The following TNC variants were observed in gnomAD, a reference collection of about 807,000 sequenced individuals.
The protein encoded by TNC is tenascin C.
TNC carries 109 observed loss-of-function variants against 202.4 expected under a neutral mutation model. The ratio of observed to expected loss-of-function variants is 0.54; its 90% CI spans 0.46 to 0.63. The LOEUF (loss-of-function observed/expected upper bound fraction) is 0.63, where lower values mean the gene tolerates loss of function less well. Ranked by LOEUF, TNC falls within the 30% of genes least tolerant of loss-of-function variation. TNC has a pLI of 0.00. For synonymous variants in TNC, 1,007 were observed against 1,089.7 expected, an observed-to-expected ratio of 0.92 and a Z score of 1.50; for missense variants, 2,756 against 2,833.3, an observed-to-expected ratio of 0.97 and a Z score of 0.62.
chr9:115,056,899 T>C (rs1398775243), intron 15 of TNC, among the ~76,000 whole-genome samples: 2 of 152,242 alleles, frequency 1.3e-5, no homozygotes, highest in East Asian at 1.9e-4. Context: ...AGATTCCATA[T>C]GGCAAATTAG....
chr9:115,066,213 C>T (rs910407007), intron 10 of TNC, among the ~76,000 whole-genome samples: 7 of 152,122 alleles, frequency 4.6e-5, no homozygotes, highest in African/African-American at 7.2e-5. Context: ...CACGAAATTC[C>T]GTAAAAACTC....
Position 115,026,564 on chromosome 9 carries a change from G to T in TNC, c.6301C>A (p.Leu2101Met), listed in dbSNP as rs754313538. The T allele has an allele frequency of 3.7e-6, 6 of 1,614,036 alleles. No individual in the cohort carries two copies. The highest frequency in any genetic ancestry group is 1.7e-6 in the Non-Finnish European group (2 of 1,179,966). Reference sequence around the variant, plus strand: ...GTCCCACTGTACCCCTCCACCTTCAGCTTGTAGCGAGTCTTGGCATCTCCC... The same window carrying T: ...GTCCCACTGTACCCCTCCACCTTCATCTTGTAGCGAGTCTTGGCATCTCCC... ...SVGDAKTRYK[L>M]KVEGYSGTAG... The change falls in exon 26 of 28, where the codon CTG (leucine) becomes ATG (methionine). Residue 2101 changes from leucine (L) to methionine (M), a missense_variant. Transcript: ENST00000350763.
At chr9:115,057,467 G>T (rs1358121994) in intron 14 of TNC, 42 bp from the exon 15 acceptor site, 7 of 1,533,816 alleles carry the variant, frequency 4.6e-6, no homozygotes, top group Non-Finnish European at 6.1e-6. Context: ...AAATAAATTT[G>T]AGTTAATTAT....
At chr9:115,037,539 T>G (rs1830425166) in intron 20 of TNC, among the ~76,000 whole-genome samples, 1 of 152,130 alleles carries the variant, frequency 6.6e-6, no homozygotes, top group South Asian at 2.1e-4. Context: ...TTTATTTTTA[T>G]TTTTTTGAGA....
At position 115,086,381 on chromosome 9, in the gene TNC, G is replaced by A. The variant is rs759590939; in HGVS notation, c.1350C>T (p.Val450=). The A allele has an allele frequency of 5.6e-6, 9 of 1,613,658 alleles. No individual in the cohort carries two copies. The East Asian group carries it at 6.7e-5, about 12-fold the overall frequency. Residue 450 remains valine (V), a synonymous_variant, in exon 3 of 28, where the codon GTC becomes GTT. Transcript: ENST00000350763. ...CTTGCTCACATACACATTTGCCCTCGACACAGCGGCCCCGACTGTGACAGT... is the reference window on the plus strand; with the variant it reads ...CTTGCTCACATACACATTTGCCCTCAACACAGCGGCCCCGACTGTGACAGT... ...PNDCHSRGRC[V]EGKCVCEQGF...
At chr9:115,052,866 CTG>C (rs1248677678) in intron 15 of TNC, 2 of 702,606 alleles carry the variant, frequency 2.8e-6, no homozygotes. Flanking sequence ...TCTCCTGAGA[CTG>C]TGAATTGCTG....
At chr9:115,021,501 A>C (rs565747281) in intron 27 of TNC, among the ~76,000 whole-genome samples, 58 of 152,310 alleles carry the variant, frequency 3.8e-4, no homozygotes, top group African/African-American at 1.3e-3. Context: ...CACCTGAGTC[A>C]AGAGTCGCCT....
chr9:115,114,358 C>T (rs1476213654), intron 1 of TNC, among the ~76,000 whole-genome samples: 1 of 152,220 alleles, frequency 6.6e-6, no homozygotes, highest in Non-Finnish European at 1.5e-5. Context: ...ATTCATGGCC[C>T]CAAGGCCGAT....
chr9:115,041,315 A>AGGGGGGG (rs1830737472), intron 18 of TNC, among the ~76,000 whole-genome samples: 2 of 122,744 alleles, frequency 1.6e-5, no homozygotes, highest in Non-Finnish European at 3.4e-5. Context: ...GGGGCGGGGG[A>AGGGGGGG]AAACATGAAG....
In TNC at chr9:115,021,283, AAGAG is replaced by A. The variant is rs766737426; in HGVS notation, c.6496-20_6496-17del. The stretch of plus-strand genomic sequence containing the variant: ...AGTTAACGCCCTGTTAAAAAAAAAA[AAGAG>A]AGAGAGAGAGAGAGAGAGAAGGCCT... On this transcript the variant is annotated splice_polypyrimidine_tract_variant and intron_variant, in intron 27 of 27. Coordinates refer to ENST00000350763, the MANE Select transcript of TNC (RefSeq NM_002160.4). 835 of 1,101,196 alleles carry A rather than the reference AAGAG, an allele frequency of 7.6e-4. 4 individuals carry two copies. The highest frequency in any genetic ancestry group is 7.3e-3 in the African/African-American group (466 of 64,116). 68.2% of individuals were successfully genotyped at this position (1,101,196 alleles called of 1,614,324 possible). A position where few individuals can be genotyped will look rare whatever the true frequency, so the allele number is the denominator to read the frequency against.
chr9:115,086,703 TTCCCGCAG>T lies in TNC; in HGVS notation c.1020_1027del (p.Asp340GlufsTer15). On this transcript the variant is annotated frameshift_variant, in exon 3 of 28. Coordinates refer to ENST00000350763, the MANE Select transcript of TNC (RefSeq NM_002160.4). LOFTEE classifies it high-confidence loss of function. ...GTGGCAGGCATGTGGGCAGGTGGGT[TTCCCGCAG>T]TCTTCACCTGTGAAGCCTTCTTCGC... 6.2e-7 allele frequency: 1 copy of T among 1,614,112 alleles called. No homozygotes were observed. Among genetic ancestry groups the T allele is most frequent in the Non-Finnish European group, 8.5e-7 (1 of 1,180,038 alleles).
intron 15 of TNC, among the ~76,000 whole-genome samples, chr9:115,054,286 G>T (rs1831927157): frequency 6.6e-6 from 1 of 152,178 alleles, no homozygotes; most frequent in South Asian, 2.1e-4. Context: ...AGAACAAAAA[G>T]GATTTGGTTC....
At chr9:115,025,852 C>A (rs1829435892) in intron 26 of TNC, among the ~76,000 whole-genome samples, 1 of 152,118 alleles carries the variant, frequency 6.6e-6, no homozygotes, top group African/African-American at 2.4e-5. Flanking sequence ...ACTTCAAGTC[C>A]AAGAAATCTT....
intron 15 of TNC, among the ~76,000 whole-genome samples, chr9:115,050,575 A>G (rs1831571450): frequency 1.3e-5 from 2 of 152,214 alleles, no homozygotes; most frequent in Admixed American, 6.5e-5. Flanking sequence ...TCATTTTTTA[A>G]TCTTACATTA....
At chr9:115,111,471 C>T (rs990870556) in intron 1 of TNC, among the ~76,000 whole-genome samples, 5 of 123,732 alleles carry the variant, frequency 4.0e-5, no homozygotes, top group Admixed American at 1.1e-4. Flanking sequence ...TGGAATGGCT[C>T]GATCTTGGCT....
rs542787018 is a variant in TNC, at chr9:115,085,907, G to C, written c.1824C>G (p.Arg608=). Residue 608 remains arginine, a synonymous_variant, in exon 3 of 28, where the codon CGC becomes CGG. Transcript: ENST00000350763. The part of the protein sequence containing the change: ...CNNLGQCVSG[R]CICNEGYSGE... ...CGCTGTAGCCCTCGTTGCAGATGCA[G>C]CGGCCCGAGACGCATTGTCCTAAGT... is the stretch of plus-strand genomic sequence containing the variant. 2.5e-6 allele frequency: 4 copies of C among 1,612,770 alleles called. No individual in the cohort carries two copies. The African/African-American group carries it at 5.3e-5, about 21-fold the overall frequency.
chr9:115,114,359 C>CA, intron 1 of TNC, among the ~76,000 whole-genome samples: 1 of 152,366 alleles, frequency 6.6e-6, no homozygotes, highest in African/African-American at 2.4e-5. Context: ...TTCATGGCCC[C>CA]AAGGCCGATT....
intron 27 of TNC, 125 bp downstream of exon 27, chr9:115,023,848 T>C: frequency 8.8e-7 from 1 of 1,136,996 alleles, no homozygotes. Context: ...GGGAAAAACA[T>C]GTTGTCATAC....
chr9:115,031,447 T>C, intron 23 of TNC, 106 bp downstream of exon 23: 1 of 1,282,914 alleles, frequency 7.8e-7, no homozygotes, highest in Non-Finnish European at 1.0e-6. Context: ...TCGATTCTTT[T>C]CAGAGGTTTG....
Sources: gnomAD v4.1 joint callset for allele counts (sites outside exome capture counted in the v4.1 genomes callset) on GRCh38, gnomAD v4.1.1 for gene constraint, MANE v1.5 for transcripts, NCBI Gene and HGNC (gene_info 2026-07-23, HGNC 2026-07-21) for gene names.